The following MGST1 variants were observed in gnomAD, a reference collection of about 807,000 sequenced individuals.
MGST1 encodes the protein glutathione S-transferase 12.
Under a neutral mutation model 8.9 loss-of-function variants are expected in MGST1, and 5 were observed. That is an observed-to-expected ratio of 0.56 (90% CI 0.29 to 1.19). The LOEUF (loss-of-function observed/expected upper bound fraction) is 1.19. Among genes scored for constraint, MGST1 ranks in the 50% most tolerant of loss-of-function variants. MGST1 has a pLI of 0.08. For missense variants in MGST1, 182 were observed against 187.4 expected (o/e 0.97, Z 0.17); for synonymous variants, 54 against 67.8 (o/e 0.80, Z 1.00).
intron 1 of MGST1, among the ~76,000 whole-genome samples, chr12:16,414,083 TA>T (rs1175734870): frequency 6.6e-6 from 1 of 151,864 alleles, no homozygotes; most frequent in African/African-American, 2.4e-5. Context: ...ATAATAATAA[TA>T]AGGTATTTCC....
intron 4 of MGST1, among the ~76,000 whole-genome samples, chr12:16,552,841 A>G (rs963138976): frequency 6.6e-6 from 1 of 152,070 alleles, no homozygotes; most frequent in Admixed American, 6.5e-5. Flanking sequence ...TAAATGTTGC[A>G]CTTCAATAAT....
chr12:16,489,689 A>G (rs1941426201), intron 4 of MGST1, among the ~76,000 whole-genome samples: 1 of 152,208 alleles, frequency 6.6e-6, no homozygotes, highest in African/African-American at 2.4e-5. Flanking sequence ...TGAACATCAT[A>G]TAGTTAGTAG....
At chr12:16,567,122 C>A (rs559528250) in intron 4 of MGST1, among the ~76,000 whole-genome samples, 1 of 152,018 alleles carries the variant, frequency 6.6e-6, no homozygotes, top group Non-Finnish European at 1.5e-5. Context: ...CTTGAACCTG[C>A]GAGGCGGAGG....
At chr12:16,463,976 C>CA (rs2137127847) in intron 4 of MGST1, among the ~76,000 whole-genome samples, 1 of 152,272 alleles carries the variant, frequency 6.6e-6, no homozygotes, top group South Asian at 2.1e-4. Context: ...TTGGAGGCCA[C>CA]AGGGCATGGT....
chr12:16,512,949 A>T (rs1246596560), intron 4 of MGST1, among the ~76,000 whole-genome samples: 2 of 152,204 alleles, frequency 1.3e-5, no homozygotes, highest in East Asian at 1.9e-4. Flanking sequence ...CAGGACTCAG[A>T]GGGGAATGGA....
intron 4 of MGST1, among the ~76,000 whole-genome samples, chr12:16,520,937 T>C (rs1192567303): frequency 6.6e-6 from 1 of 152,132 alleles, no homozygotes; most frequent in Non-Finnish European, 1.5e-5. Flanking sequence ...CTTTAAATGG[T>C]ATTCAGGTCT....
intron 4 of MGST1, among the ~76,000 whole-genome samples, chr12:16,539,717 G>A (rs1326727605): frequency 2.0e-5 from 3 of 152,162 alleles, no homozygotes; most frequent in African/African-American, 2.4e-5. Context: ...TGTGTTGTAA[G>A]TTTTAACAGG....
At chr12:16,473,781 T>G (rs1383074348) in intron 4 of MGST1, among the ~76,000 whole-genome samples, 2 of 152,102 alleles carry the variant, frequency 1.3e-5, no homozygotes, top group Non-Finnish European at 2.9e-5. Flanking sequence ...CTTGGGAGGC[T>G]GAGGCGGGAG....
At chr12:16,357,790 G>GA in intron 3 of MGST1, 91 bp downstream of exon 3, 1 of 939,990 alleles carries the variant, frequency 1.1e-6, no homozygotes, top group Admixed American at 2.7e-5. Context: ...GGAGACTGAG[G>GA]AAAAAAAGTG....
intron 4 of MGST1, among the ~76,000 whole-genome samples, chr12:16,453,789 TTCCCCATGTGCGTGTCTA>T (rs374693481): frequency 1.3e-3 from 199 of 151,942 alleles, no homozygotes; most frequent in African/African-American, 4.7e-3. Context: ...GCCTGGCATT[TTCCCCATGTGCGTGTCTA>T]TCTACAAATT....
chr12:16,459,011 A>T (rs2137122387), intron 4 of MGST1, among the ~76,000 whole-genome samples: 1 of 152,076 alleles, frequency 6.6e-6, no homozygotes, highest in Non-Finnish European at 1.5e-5. Context: ...ACCCTGGCCT[A>T]CCTATTATCA....
rs190899122 is a variant in MGST1, at chr12:16,420,355, C to T, written n.779-17033C>T. On this transcript the variant is annotated intron_variant and non_coding_transcript_variant, in intron 1 of 1. Coordinates refer to the MGST1 transcript ENST00000359720. ...ACGTTCATAATCTAAGAAAAACACA[C>T]ATTACTTGGCATGAAAGCCATTAAA... Among the ~76,000 whole-genome samples, 329 of 152,292 alleles carry T rather than the reference C, an allele frequency of 2.2e-3. 3 individuals carry two copies. Among genetic ancestry groups the T allele is most frequent in the African/African-American group, 7.5e-3 (311 of 41,554 alleles).
At chr12:16,519,255 T>G (rs1941633671) in intron 4 of MGST1, among the ~76,000 whole-genome samples, 1 of 152,190 alleles carries the variant, frequency 6.6e-6, no homozygotes, top group Non-Finnish European at 1.5e-5. Flanking sequence ...TCGTAGACAG[T>G]TATTGACTTA....
At chr12:16,394,110 G>A (rs1036055917) in intron 1 of MGST1, among the ~76,000 whole-genome samples, 1 of 152,142 alleles carries the variant, frequency 6.6e-6, no homozygotes, top group Non-Finnish European at 1.5e-5. Flanking sequence ...CAAAGTGATG[G>A]CATTAAAGAA....
chr12:16,538,713 A>T (rs545841701), intron 4 of MGST1, among the ~76,000 whole-genome samples: 114 of 148,954 alleles, frequency 7.7e-4, no homozygotes, highest in East Asian at 2.2e-3. Flanking sequence ...GGTTCACGCC[A>T]TTCTCCTGCC....
chr12:16,574,023 G>C (rs1015401234), intron 4 of MGST1: 1 of 151,844 alleles, frequency 6.6e-6, no homozygotes, highest in Non-Finnish European at 1.5e-5. Flanking sequence ...CTGCTTCTCC[G>C]CTTCCCCGCT....
At chr12:16,454,902 A>AAAAAAAAAAAAAAAAAAAAAAAAAAG (rs1555104768) in intron 4 of MGST1, among the ~76,000 whole-genome samples, 5 of 125,996 alleles carry the variant, frequency 4.0e-5, no homozygotes, top group African/African-American at 1.6e-4. Context: ...AAAAAAAAAA[A>AAAAAAAAAAAAAAAAAAAAAAAAAAG]AAGGAGATGG....
intron 4 of MGST1, among the ~76,000 whole-genome samples, chr12:16,511,760 T>C (rs1340498559): frequency 2.0e-5 from 3 of 152,192 alleles, no homozygotes; most frequent in Non-Finnish European, 4.4e-5. Context: ...CTTTTCTTTT[T>C]CACCCCTTCT....
intron 4 of MGST1, among the ~76,000 whole-genome samples, chr12:16,495,669 T>A (rs1941465247): frequency 6.6e-6 from 1 of 151,750 alleles, no homozygotes; most frequent in African/African-American, 2.4e-5. Flanking sequence ...TACTCTTTCA[T>A]CCCTCAGGGT....
Sources: allele counts gnomAD v4.1 joint callset (sites outside exome capture counted in the v4.1 genomes callset), GRCh38; gene constraint gnomAD v4.1.1; transcripts MANE v1.5; gene names NCBI Gene and HGNC (gene_info 2026-07-23, HGNC 2026-07-21).